Variants in BABAM2 observed in about 807,000 individuals in gnomAD.
BABAM2 encodes BRISC and BRCA1-A complex member 2.
A neutral mutation model predicts 54.7 loss-of-function variants in BABAM2; 31 were observed. The observed-to-expected ratio is 0.57, with a 90% CI of 0.43 to 0.77. The LOEUF (loss-of-function observed/expected upper bound fraction) is 0.77. Ranked by LOEUF, BABAM2 falls within the 30% of genes least tolerant of loss-of-function variation. The pLI is 0.00. For missense variants in BABAM2, 364 were observed against 455.8 expected (o/e 0.80, Z 1.83); for synonymous variants, 167 against 162.9 (o/e 1.03, Z -0.19).
At chr2:28,258,615 CTTTT>C (rs70956008) in intron 10 of BABAM2, among the ~76,000 whole-genome samples, 1 of 100,044 alleles carries the variant, frequency 1.0e-5, no homozygotes. Flanking sequence ...TTTTTCTTTT[CTTTT>C]TTTTTTTTTT....
At chr2:28,002,899 G>A (rs1329799267) in intron 4 of BABAM2, among the ~76,000 whole-genome samples, 2 of 152,190 alleles carry the variant, frequency 1.3e-5, no homozygotes, top group African/African-American at 2.4e-5. Context: ...AATTCTTCAG[G>A]GAGATGAAAG....
At chr2:28,281,039 A>G (rs1368700213) in intron 10 of BABAM2, among the ~76,000 whole-genome samples, 1 of 152,056 alleles carries the variant, frequency 6.6e-6, no homozygotes, top group African/African-American at 2.4e-5. Flanking sequence ...TTTATTTCCA[A>G]TCTGATTTTT....
intron 10 of BABAM2, among the ~76,000 whole-genome samples, chr2:28,283,734 C>A (rs547659032): frequency 6.6e-6 from 1 of 152,210 alleles, no homozygotes; most frequent in Admixed American, 6.5e-5. Flanking sequence ...TAGGGACTGG[C>A]GTGTCTGATT....
chr2:27,957,170 A>G (rs1166129589), intron 3 of BABAM2, among the ~76,000 whole-genome samples: 1 of 152,200 alleles, frequency 6.6e-6, no homozygotes, highest in African/African-American at 2.4e-5. Context: ...TGTTTTCTGC[A>G]ACATTATCTC....
chr2:28,183,820 G>A (rs1380503821), intron 7 of BABAM2, among the ~76,000 whole-genome samples: 1 of 151,154 alleles, frequency 6.6e-6, no homozygotes, highest in Middle Eastern at 3.2e-3. Flanking sequence ...ACCAGCATCT[G>A]TTAACCAAAT....
At chr2:28,301,055 C>A (rs1046478699) in intron 11 of BABAM2, among the ~76,000 whole-genome samples, 7 of 152,160 alleles carry the variant, frequency 4.6e-5, no homozygotes, top group African/African-American at 1.7e-4. Flanking sequence ...AGGTTGAAGA[C>A]AAAGGATGGA....
Position 27,995,943 on chromosome 2 carries a change from C to G in BABAM2, c.300+7856C>G, listed in dbSNP as rs902436170. 1.3e-5 allele frequency among the ~76,000 whole-genome samples: 2 copies of G among 152,132 alleles called. No individual in the cohort carries two copies. The highest frequency in any genetic ancestry group is 2.9e-5 in the Non-Finnish European group (2 of 68,006). On this transcript the variant is annotated intron_variant, in intron 4 of 11. Transcript: ENST00000379624. The surrounding 1 kb of genome is among the most constrained non-coding windows in gnomAD (Gnocchi z 4.1). ...TTTTACAATTCTATTTGATTATTTTCTGTAAATTCCAATTATCTGGTTAAC... is the reference window on the plus strand; with the variant it reads ...TTTTACAATTCTATTTGATTATTTTGTGTAAATTCCAATTATCTGGTTAAC...
intron 4 of BABAM2, among the ~76,000 whole-genome samples, chr2:27,992,346 A>G (rs1002276879): frequency 3.9e-5 from 6 of 152,204 alleles, no homozygotes; most frequent in Non-Finnish European, 7.3e-5. Context: ...ACACTGTTCA[A>G]TATGGAACTT....
At chr2:28,280,225 A>C (rs911260381) in intron 10 of BABAM2, among the ~76,000 whole-genome samples, 2 of 150,362 alleles carry the variant, frequency 1.3e-5, no homozygotes, top group East Asian at 3.9e-4. Context: ...CACTCAGCAC[A>C]TTTTTTTTTA....
intron 10 of BABAM2, among the ~76,000 whole-genome samples, chr2:28,285,507 A>G (rs1365922325): frequency 6.6e-6 from 1 of 152,186 alleles, no homozygotes; most frequent in African/African-American, 2.4e-5. Context: ...AAAATAGGTT[A>G]ATGAAGGTTT....
chr2:28,049,266 A>G (rs1004396247), intron 6 of BABAM2, among the ~76,000 whole-genome samples: 36 of 152,298 alleles, frequency 2.4e-4, no homozygotes, highest in African/African-American at 8.4e-4. Context: ...GTTTTATCCC[A>G]CTGAACTGGA....
At chr2:28,282,684 T>C (rs1686463817) in intron 10 of BABAM2, among the ~76,000 whole-genome samples, 1 of 152,102 alleles carries the variant, frequency 6.6e-6, no homozygotes, top group Non-Finnish European at 1.5e-5. Context: ...ATGCTGATTT[T>C]CCTCCTTTTT....
At chr2:28,002,165 G>A (rs1161106007) in intron 4 of BABAM2, among the ~76,000 whole-genome samples, 3 of 152,086 alleles carry the variant, frequency 2.0e-5, no homozygotes, top group African/African-American at 7.2e-5. Context: ...ATGTTATCAG[G>A]GCTTTGCTCT....
chr2:28,008,297 A>G (rs546460601), intron 4 of BABAM2, among the ~76,000 whole-genome samples: 3 of 152,298 alleles, frequency 2.0e-5, no homozygotes, highest in Admixed American at 6.5e-5. Context: ...TGCATCTACC[A>G]TAAATGAAGA....
At chr2:28,207,757 T>G (rs1458077567) in intron 7 of BABAM2, among the ~76,000 whole-genome samples, 1 of 152,218 alleles carries the variant, frequency 6.6e-6, no homozygotes, top group Middle Eastern at 3.2e-3. Flanking sequence ...TCTGGATACC[T>G]CCAAAGGATT....
intron 7 of BABAM2, among the ~76,000 whole-genome samples, chr2:28,147,549 C>G (rs1212257008): frequency 6.6e-6 from 1 of 151,876 alleles, no homozygotes; most frequent in Non-Finnish European, 1.5e-5. Flanking sequence ...TCTTGGCTCA[C>G]TGCAAGCTCT....
intron 6 of BABAM2, among the ~76,000 whole-genome samples, chr2:28,056,834 T>A (rs1339574308): frequency 2.0e-5 from 3 of 152,092 alleles, no homozygotes; most frequent in Non-Finnish European, 4.4e-5. Flanking sequence ...GTGTCACTTA[T>A]TATTGGGAAT....
At chr2:27,969,482 G>A (rs1468438433) in intron 3 of BABAM2, among the ~76,000 whole-genome samples, 1 of 152,118 alleles carries the variant, frequency 6.6e-6, no homozygotes, top group Non-Finnish European at 1.5e-5. Context: ...ATTGTGCCAG[G>A]GAAGGGCAAG....
chr2:28,335,407 T>A (rs960777367), intron 11 of BABAM2, among the ~76,000 whole-genome samples: 9 of 152,132 alleles, frequency 5.9e-5, no homozygotes, highest in African/African-American at 1.9e-4. Context: ...TGACCTTGGG[T>A]GATACACCCG....
Sources: allele counts gnomAD v4.1 joint callset (sites outside exome capture counted in the v4.1 genomes callset), GRCh38; gene constraint gnomAD v4.1.1; non-coding constraint Gnocchi (gnomAD v3.1); transcripts MANE v1.5; gene names NCBI Gene and HGNC (gene_info 2026-07-23, HGNC 2026-07-21).